The following MAP2K5 variants were observed in gnomAD, a reference collection of about 807,000 sequenced individuals.
MAP2K5 encodes mitogen-activated protein kinase kinase 5, also known as dual specificity mitogen-activated protein kinase kinase 5.
Under a neutral mutation model 83.1 loss-of-function variants are expected in MAP2K5, and 49 were observed. The ratio of observed to expected loss-of-function variants is 0.59; its 90% CI spans 0.47 to 0.75. The LOEUF is 0.75. MAP2K5 is among the 30% of genes least tolerant of loss of function. The probability of loss-of-function intolerance (pLI) is 0.00; values close to 1 mark genes in which losing one functional copy is unlikely to be tolerated. For missense variants in MAP2K5, 457 were observed against 557.5 expected (o/e 0.82, Z 1.82); for synonymous variants, 202 against 191.8 (o/e 1.05, Z -0.44).
chr15:67,553,669 T>C (rs2084558536), intron 2 of MAP2K5, among the ~76,000 whole-genome samples: 3 of 151,746 alleles, frequency 2.0e-5, no homozygotes, highest in Non-Finnish European at 4.4e-5. Context: ...ATCCCAGCAC[T>C]TTGGGAGGCC....
In MAP2K5 at chr15:67,638,481, A is replaced by C. The variant is rs150488177; in HGVS notation, c.585+7554A>C. Among the ~76,000 whole-genome samples the C allele has an allele frequency of 2.0e-5, 3 of 152,278 alleles. No homozygotes were observed. Among genetic ancestry groups the C allele is most frequent in the African/African-American group, 7.2e-5 (3 of 41,552 alleles). On this transcript the variant is annotated intron_variant, in intron 9 of 21. Coordinates refer to ENST00000178640, the MANE Select transcript of MAP2K5 (RefSeq NM_145160.3). The surrounding 1 kb of genome is among the most constrained non-coding windows in gnomAD (Gnocchi z 4.5). ...TTTATCCAGTCTACCAGTGATGGGC[A>C]TTTAGGTTGATTCCATGTCTTTGCT...
rs894165736 is a variant in MAP2K5 at position 67,781,310 on chromosome 15, C to G, written c.1242+8558C>G. Among the ~76,000 whole-genome samples, 1 of 152,146 alleles carries G rather than the reference C, an allele frequency of 6.6e-6. No homozygotes were observed. Among genetic ancestry groups the G allele is most frequent in the Non-Finnish European group, 1.5e-5 (1 of 68,020 alleles). On this transcript the variant is annotated intron_variant, in intron 21 of 21. Coordinates refer to ENST00000178640, the MANE Select transcript of MAP2K5 (RefSeq NM_145160.3). This position sits in a 1 kb window ranked among gnomAD's most constrained non-coding sequence, Gnocchi z 4.0. ...AGCTGGGGAAAATATTAGAAAGCTC[C>G]TATTTACAGTTGTGCCAGCTGGATT...
At chr15:67,610,219 T>A in intron 8 of MAP2K5, among the ~76,000 whole-genome samples, 1 of 152,306 alleles carries the variant, frequency 6.6e-6, no homozygotes, top group East Asian at 1.9e-4. Context: ...TGATGTATCA[T>A]CTCTAGGTGT....
chr15:67,627,820 C>A, intron 8 of MAP2K5: 2 of 426,008 alleles, frequency 4.7e-6, no homozygotes, highest in Non-Finnish European at 4.3e-6. Flanking sequence ...ACAGAGGAAA[C>A]ATCATTAAAG....
At chr15:67,569,725 G>T (rs1256846862) in intron 3 of MAP2K5, among the ~76,000 whole-genome samples, 4 of 152,170 alleles carry the variant, frequency 2.6e-5, no homozygotes, top group Non-Finnish European at 5.9e-5. Flanking sequence ...ATAAGCACGA[G>T]TAGGCCTCAG....
At chr15:67,772,583 A>G (rs2090163205) in intron 20 of MAP2K5, 124 bp from the exon 21 acceptor site, 1 of 558,654 alleles carries the variant, frequency 1.8e-6, no homozygotes, top group Non-Finnish European at 3.0e-6. Context: ...ACTTTGGCCA[A>G]GAATTGAACA....
chr15:67,773,967 G>T (rs2090189455), intron 21 of MAP2K5, among the ~76,000 whole-genome samples: 1 of 152,208 alleles, frequency 6.6e-6, no homozygotes, highest in Admixed American at 6.5e-5. Context: ...TCATAAAACA[G>T]ATATTTGTTT....
rs2088777375 is a variant in MAP2K5 at position 67,714,413 on chromosome 15, G to GAAAAAAAAAA, written c.1044+11005_1044+11006insAAAAAAAAAA. 1.4e-4 allele frequency among the ~76,000 whole-genome samples: 6 copies of GAAAAAAAAAA among 42,692 alleles called. 3 individuals are homozygous for GAAAAAAAAAA. The highest frequency in any genetic ancestry group is 4.7e-4 in the African/African-American group (6 of 12,744). 28.0% of individuals were successfully genotyped at this position (42,692 alleles called of 152,430 possible). A position where few individuals can be genotyped will look rare whatever the true frequency, so the allele number is the denominator to read the frequency against. On this transcript the variant is annotated intron_variant, in intron 16 of 21. Transcript: ENST00000178640. ...CCCCCCACCCCTACCCAGCTGCCAG[G>GAAAAAAAAAA]GAAAAAAAAAAAAAAAAAAAAAAAA... is the stretch of plus-strand genomic sequence containing the variant.
intron 16 of MAP2K5, among the ~76,000 whole-genome samples, chr15:67,704,436 C>T (rs542875655): frequency 1.3e-5 from 2 of 152,166 alleles, no homozygotes; most frequent in Non-Finnish European, 2.9e-5. Context: ...TAAATAATAT[C>T]ATAGATAGAG....
rs147497075 is a variant in MAP2K5, at chr15:67,687,673, G to A, written c.848-4806G>A. The stretch of plus-strand genomic sequence containing the variant: ...TGAAATGTATTCATTCTGAACTGTA[G>A]TCCATTAAATGGGAAAAGATGGAGC... On this transcript the variant is annotated intron_variant, in intron 13 of 21. Coordinates refer to ENST00000178640, the MANE Select transcript of MAP2K5 (RefSeq NM_145160.3). Among the ~76,000 whole-genome samples, 292 of 152,260 alleles carry A rather than the reference G, an allele frequency of 1.9e-3. 1 individual carries two copies. Among genetic ancestry groups the A allele is most frequent in the Non-Finnish European group, 2.7e-3 (187 of 68,014 alleles).
chr15:67,585,366 A>G (rs2085267354), intron 4 of MAP2K5, among the ~76,000 whole-genome samples: 1 of 152,212 alleles, frequency 6.6e-6, no homozygotes, highest in South Asian at 2.1e-4. Context: ...AAGAAATGTA[A>G]TAAAATTAGT....
At position 67,702,025 on chromosome 15, in the gene MAP2K5, G is replaced by T. The variant is rs1160903802; in HGVS notation, c.973-1312G>T. 6.6e-6 allele frequency among the ~76,000 whole-genome samples: 1 copy of T among 152,128 alleles called. No homozygotes were observed. The highest frequency in any genetic ancestry group is 1.5e-5 in the Non-Finnish European group (1 of 68,020). On this transcript the variant is annotated intron_variant, in intron 15 of 21. Transcript: ENST00000178640. The surrounding 1 kb of genome is among the most constrained non-coding windows in gnomAD (Gnocchi z 4.6). ...CAGTTTTTACATTTGTAAACTGAGG[G>T]CAATAATACCTACTTTTGCAAAATC...
intron 16 of MAP2K5, among the ~76,000 whole-genome samples, chr15:67,714,129 G>A (rs564968319): frequency 3.2e-4 from 49 of 152,188 alleles, no homozygotes; most frequent in Admixed American, 7.2e-4. Flanking sequence ...TCCTTGTTGA[G>A]CCTACAATGT....
chr15:67,617,874 G>C (rs1389552531), intron 8 of MAP2K5, among the ~76,000 whole-genome samples: 1 of 151,946 alleles, frequency 6.6e-6, no homozygotes, highest in African/African-American at 2.4e-5. Flanking sequence ...TAAATTTTTT[G>C]TTGAGATGAG....
chr15:67,638,880 AGT>A lies in MAP2K5; in HGVS notation c.586-7348_586-7347del, dbSNP rs1387051398. 6.6e-6 allele frequency among the ~76,000 whole-genome samples: 1 copy of A among 152,158 alleles called. No homozygotes were observed. Among genetic ancestry groups the A allele is most frequent in the Non-Finnish European group, 1.5e-5 (1 of 68,032 alleles). ...GCCTCGTGTATATCTTCTTTTGAGA[AGT>A]GTCTGTTCGTGTCCTTTGCCCACTT... On this transcript the variant is annotated intron_variant, in intron 9 of 21. Coordinates refer to ENST00000178640, the MANE Select transcript of MAP2K5 (RefSeq NM_145160.3). This position sits in a 1 kb window ranked among gnomAD's most constrained non-coding sequence, Gnocchi z 4.5.
intron 3 of MAP2K5, among the ~76,000 whole-genome samples, chr15:67,568,621 C>A (rs1423260967): frequency 6.6e-6 from 1 of 152,120 alleles, no homozygotes; most frequent in Non-Finnish European, 1.5e-5. Flanking sequence ...TATAGTCCTG[C>A]TCAGCTTTGC....
intron 21 of MAP2K5, among the ~76,000 whole-genome samples, chr15:67,804,874 C>T (rs1377957978): frequency 1.3e-5 from 2 of 152,136 alleles, no homozygotes; most frequent in African/African-American, 4.8e-5. Flanking sequence ...GGAAAGCAGC[C>T]GTGGGGTGGG....
chr15:67,707,685 G>A (rs1426579206), intron 16 of MAP2K5, among the ~76,000 whole-genome samples: 1 of 152,176 alleles, frequency 6.6e-6, no homozygotes, highest in African/African-American at 2.4e-5. Context: ...AGCCACAAGG[G>A]GAAGGGGGTG....
At position 67,724,693 on chromosome 15, in the gene MAP2K5, A is replaced by G. The variant is rs2089050202; in HGVS notation, c.1045-3223A>G. ...ATATGTTTCCTTCTACTTTTCTATA[A>G]GACAAATAGTGTGGAACATAAACAC... On this transcript the variant is annotated intron_variant, in intron 16 of 21. Coordinates refer to ENST00000178640, the MANE Select transcript of MAP2K5 (RefSeq NM_145160.3). The surrounding 1 kb of genome is among the most constrained non-coding windows in gnomAD (Gnocchi z 4.4). Among the ~76,000 whole-genome samples, 1 of 152,222 alleles carries G rather than the reference A, an allele frequency of 6.6e-6. No individual in the cohort carries two copies. Among genetic ancestry groups the G allele is most frequent in the South Asian group, 2.1e-4 (1 of 4,834 alleles).
Sources: gnomAD v4.1 joint callset for allele counts (sites outside exome capture counted in the v4.1 genomes callset) on GRCh38, gnomAD v4.1.1 for gene constraint, Gnocchi (gnomAD v3.1) non-coding constraint, MANE v1.5 for transcripts, NCBI Gene and HGNC (gene_info 2026-07-23, HGNC 2026-07-21) for gene names.